HIVEP3: variants seen among roughly 807,000 people sequenced by gnomAD.
HIVEP3 encodes transcription factor HIVEP3.
HIVEP3 carries 49 observed loss-of-function variants against 152.8 expected under a neutral mutation model. The observed-to-expected ratio is 0.32, with a 90% CI of 0.26 to 0.41. The LOEUF is 0.41. Among genes scored for constraint, HIVEP3 ranks in the 10% least tolerant of loss-of-function variants. The pLI, the probability that HIVEP3 is intolerant of heterozygous loss-of-function variation, is 1.00. For synonymous variants in HIVEP3, 1,269 were observed against 1,289.0 expected, an observed-to-expected ratio of 0.98 and a Z score of 0.33; for missense variants, 2,790 against 3,103.3, an observed-to-expected ratio of 0.90 and a Z score of 2.40.
intron 1 of HIVEP3, among the ~76,000 whole-genome samples, chr1:41,849,689 C>A (rs972432331): frequency 2.0e-5 from 3 of 150,992 alleles, no homozygotes; most frequent in Non-Finnish European, 4.4e-5. Context: ...CAGTGGTAGA[C>A]CCAAATCTTT....
intron 1 of HIVEP3, among the ~76,000 whole-genome samples, chr1:41,798,138 G>T (rs1429074189): frequency 6.6e-6 from 1 of 152,076 alleles, no homozygotes; most frequent in Non-Finnish European, 1.5e-5. Context: ...GGGGCCTGTC[G>T]TGGGGTGCGG....
intron 1 of HIVEP3, among the ~76,000 whole-genome samples, chr1:41,860,572 T>C (rs898374320): frequency 1.2e-4 from 19 of 152,232 alleles, no homozygotes; most frequent in African/African-American, 4.3e-4. Context: ...TGGAGCCAGA[T>C]AGCTCTTAGA....
intron 1 of HIVEP3, among the ~76,000 whole-genome samples, chr1:41,749,014 A>T (rs560902461): frequency 6.6e-6 from 1 of 152,238 alleles, no homozygotes; most frequent in African/African-American, 2.4e-5. Context: ...TGCCCACACA[A>T]AGATGATCTG....
At chr1:41,710,513 C>T (rs1021351438) in intron 1 of HIVEP3, among the ~76,000 whole-genome samples, 2 of 152,200 alleles carry the variant, frequency 1.3e-5, no homozygotes, top group African/African-American at 4.8e-5. Context: ...GAGGGTCTGA[C>T]TATCCTCTCC....
chr1:41,519,991 T>C (rs1165543699), intron 6 of HIVEP3, among the ~76,000 whole-genome samples: 1 of 151,722 alleles, frequency 6.6e-6, no homozygotes, highest in Admixed American at 6.6e-5. Context: ...TGCATGAGAG[T>C]ACAGACAGAA....
At chr1:41,638,787 T>C (rs1645326823) in intron 2 of HIVEP3, among the ~76,000 whole-genome samples, 1 of 152,132 alleles carries the variant, frequency 6.6e-6, no homozygotes, top group Admixed American at 6.5e-5. Context: ...TGCCAGCAGC[T>C]GGTAGGGGCC....
rs1441147248 is a variant in HIVEP3 at position 41,562,628 on chromosome 1, TCTCTCC to T, written c.5207+12910_5207+12915del. 2.7e-3 allele frequency among the ~76,000 whole-genome samples: 336 copies of T among 123,242 alleles called. 2 individuals carry two copies. Among genetic ancestry groups the T allele is most frequent in the South Asian group, 7.8e-3 (29 of 3,740 alleles). The allele number at this position is 123,242 out of a possible 152,430, so 80.9% of individuals were successfully genotyped here. A position where few individuals can be genotyped will look rare whatever the true frequency, so the allele number is the denominator to read the frequency against. Reference sequence around the variant, plus strand: ...CTCTCTCTCTCTCTCTCTCTCTCTCTCTCTCCCTCTCTCTCTCTTTCTTTCTTTCTT... The same window carrying T: ...CTCTCTCTCTCTCTCTCTCTCTCTCTCTCTCTCTCTCTTTCTTTCTTTCTT... On this transcript the variant is annotated intron_variant, in intron 5 of 8. Transcript: ENST00000372583.
intron 1 of HIVEP3, among the ~76,000 whole-genome samples, chr1:41,964,331 C>A (rs980503556): frequency 2.0e-5 from 3 of 152,134 alleles, no homozygotes; most frequent in African/African-American, 7.2e-5. Flanking sequence ...GCTCCCAGCC[C>A]CAGCCAAGGG....
intron 1 of HIVEP3, among the ~76,000 whole-genome samples, chr1:41,939,400 C>A (rs1645035103): frequency 6.6e-6 from 1 of 152,204 alleles, no homozygotes; most frequent in African/African-American, 2.4e-5. Context: ...GTCCACCAGG[C>A]AGGTGCTGAC....
chr1:41,872,036 C>A (rs1644089923), intron 1 of HIVEP3, among the ~76,000 whole-genome samples: 1 of 151,870 alleles, frequency 6.6e-6, no homozygotes, highest in South Asian at 2.1e-4. Flanking sequence ...ATGTATATAC[C>A]CAAGTAACCA....
At chr1:41,576,530 G>A (rs1324992651) in intron 4 of HIVEP3, among the ~76,000 whole-genome samples, 1 of 152,220 alleles carries the variant, frequency 6.6e-6, no homozygotes, top group Non-Finnish European at 1.5e-5. Flanking sequence ...CTTAGGGGCT[G>A]GGAGTGAGAA....
intron 6 of HIVEP3, among the ~76,000 whole-genome samples, chr1:41,523,900 C>A (rs1022026837): frequency 2.6e-5 from 4 of 152,242 alleles, no homozygotes; most frequent in African/African-American, 9.6e-5. Context: ...CCCTCCAAGG[C>A]GCTTCAGTCT....
chr1:41,696,751 A>T (rs887116341), intron 2 of HIVEP3, among the ~76,000 whole-genome samples: 7 of 148,786 alleles, frequency 4.7e-5, no homozygotes, highest in South Asian at 2.1e-4. Context: ...ATCCTAATTT[A>T]AAAAAAAAAA....
At chr1:42,026,551 A>G (rs759296421) in intron 1 of HIVEP3, among the ~76,000 whole-genome samples, 2 of 152,116 alleles carry the variant, frequency 1.3e-5, no homozygotes, top group Non-Finnish European at 2.9e-5. Flanking sequence ...TCCTCTCTCC[A>G]TTATCACTGA....
chr1:41,965,992 C>A (rs755142413), intron 1 of HIVEP3, among the ~76,000 whole-genome samples: 7 of 152,136 alleles, frequency 4.6e-5, no homozygotes, highest in Admixed American at 1.3e-4. Context: ...AAAGCCAGGT[C>A]ACCTACAAGG....
chr1:41,670,803 G>A (rs1259605112), intron 2 of HIVEP3, among the ~76,000 whole-genome samples: 1 of 152,158 alleles, frequency 6.6e-6, no homozygotes, highest in Non-Finnish European at 1.5e-5. Flanking sequence ...TAGGCAAAGG[G>A]GCAACCAGTG....
intron 1 of HIVEP3, among the ~76,000 whole-genome samples, chr1:41,994,060 T>C (rs1645380560): frequency 6.7e-6 from 1 of 148,184 alleles, no homozygotes; most frequent in Non-Finnish European, 1.5e-5. Context: ...AGATGACGAG[T>C]TAGTGGGTGC....
chr1:41,861,830 A>T (rs1033957707), intron 1 of HIVEP3, among the ~76,000 whole-genome samples: 3 of 152,240 alleles, frequency 2.0e-5, no homozygotes, highest in Admixed American at 1.3e-4. Flanking sequence ...TCAAGACTTT[A>T]GCTTTTTGTG....
intron 5 of HIVEP3, among the ~76,000 whole-genome samples, chr1:41,527,194 C>CA: frequency 1.1e-5 from 1 of 88,118 alleles, no homozygotes. Context: ...ACCTTCACTC[C>CA]CACTCCCACA....
Sources: gnomAD v4.1 joint callset for allele counts (sites outside exome capture counted in the v4.1 genomes callset) on GRCh38, gnomAD v4.1.1 for gene constraint, MANE v1.5 for transcripts, NCBI Gene and HGNC (gene_info 2026-07-23, HGNC 2026-07-21) for gene names.